Variants in HAS1 observed in about 807,000 individuals in gnomAD.
The protein encoded by HAS1 is hyaluronan synthase 1, also known as HA synthase 1.
In HAS1, 27 loss-of-function variants were observed where a neutral mutation model predicts 35.0. That is an observed-to-expected ratio of 0.77 (90% CI 0.57 to 1.06). The LOEUF is 1.06. HAS1 is among the 50% of genes least tolerant of loss of function. The pLI is 0.00. For synonymous variants in HAS1, 409 were observed against 371.2 expected, an observed-to-expected ratio of 1.10 and a Z score of -1.17; for missense variants, 940 against 814.8, an observed-to-expected ratio of 1.15 and a Z score of -1.87.
rs1283640795 is a variant in HAS1, at chr19:51,723,948, C to G, written c.-15G>C. 1 of 1,537,732 alleles carries G rather than the reference C, an allele frequency of 6.5e-7. No individual in the cohort carries two copies. The highest frequency in any genetic ancestry group is 1.4e-5 in the African/African-American group (1 of 72,758). ...ACCTGTCTCATCGCAGTGGGTCTGG[C>G]CGGGCTCTCTCTTCTCTCCGGCTTG... On this transcript the variant is annotated 5_prime_UTR_variant, in exon 1 of 5. Transcript: ENST00000540069.
At chr19:51,714,708 A>AAAAAAAAAAAAAAAAC (rs1224531111) in intron 4 of HAS1, among the ~76,000 whole-genome samples, 1 of 150,488 alleles carries the variant, frequency 6.6e-6, no homozygotes. Flanking sequence ...GAAAAAAAAA[A>AAAAAAAAAAAAAAAAC]AGGCTCTCAT....
chr19:51,723,552 A>C (rs987362898), intron 1 of HAS1, among the ~76,000 whole-genome samples: 1 of 151,846 alleles, frequency 6.6e-6, no homozygotes, highest in Non-Finnish European at 1.5e-5. Context: ...GGCAAATCCA[A>C]CTCTCTTTCT....
At chr19:51,722,885 C>T (rs527803319) in intron 1 of HAS1, among the ~76,000 whole-genome samples, 26 of 152,158 alleles carry the variant, frequency 1.7e-4, no homozygotes, top group Non-Finnish European at 2.9e-4. Flanking sequence ...TTTGTTTTTA[C>T]TTTTTCAAAT....
At position 51,719,396 on chromosome 19, in the gene HAS1, TC is replaced by T. The variant is rs2083608353; in HGVS notation, c.508del (p.Glu170AsnfsTer30). On this transcript the variant is annotated frameshift_variant, in exon 2 of 5. Transcript: ENST00000540069. LOFTEE classifies it high-confidence loss of function. ...GCCCACCGCGCCCGCCGCCGCGGGT[TC>T]CCAGGGCTGGTGGTAGTTGCCGTCC... ...VWDGNYHQPWEPAAAGAVGAG... is the reference protein window; with the variant it reads ...VWDGNYHQPWXPAAAGAVGAG... The T allele has an allele frequency of 6.3e-7, 1 of 1,575,102 alleles. No individual in the cohort carries two copies. The highest frequency in any genetic ancestry group is 8.6e-7 in the Non-Finnish European group (1 of 1,159,976).
chr19:51,719,407 G>A lies in HAS1; in HGVS notation c.498C>T (p.His166=), dbSNP rs202173515. Residue 166 remains histidine, a synonymous_variant, in exon 2 of 5, where the codon CAC becomes CAT. Transcript: ENST00000540069. The stretch of plus-strand genomic sequence containing the variant: ...CCGCCGCCGCGGGTTCCCAGGGCTG[G>A]TGGTAGTTGCCGTCCCACACGTACG... The part of the protein sequence containing the change: ...PATYVWDGNY[H]QPWEPAAAGA... 1.5e-4 allele frequency: 229 copies of A among 1,567,220 alleles called. No individual in the cohort carries two copies. The East Asian group carries it at 4.4e-3, about 30-fold the overall frequency.
At chr19:51,721,776 TA>T (rs1378893315) in intron 1 of HAS1, among the ~76,000 whole-genome samples, 1 of 151,878 alleles carries the variant, frequency 6.6e-6, no homozygotes, top group African/African-American at 2.4e-5. Context: ...GAAATAATAA[TA>T]ATAATAATAG....
rs1306273103 is a variant in HAS1, at chr19:51,719,641, C to T, written c.264G>A (p.Leu88=). 20 of 1,538,510 alleles carry T rather than the reference C, an allele frequency of 1.3e-5. No individual in the cohort carries two copies. The highest frequency in any genetic ancestry group is 1.7e-5 in the Non-Finnish European group (20 of 1,144,888). The change falls in exon 2 of 5, where the codon CTG becomes CTA. Residue 88 remains leucine, a synonymous_variant. Transcript: ENST00000540069. ...CCACACTGCGCGCGGTGGCTGCATC[C>T]AGCGGCCCCCGCGCCGCCGCCGCCA... The part of the protein sequence containing the change: ...RRVAAAARGP[L]DAATARSVAL...
At chr19:51,723,882 T>TACACACACACAC (rs759536923) in intron 1 of HAS1, 43 bp downstream of exon 1, 8 of 659,644 alleles carry the variant, frequency 1.2e-5, no homozygotes, top group East Asian at 6.6e-5. Context: ...CACATGGCTG[T>TACACACACACAC]ATACACACAC....
At position 51,723,948 on chromosome 19, in the gene HAS1, C is replaced by T. The variant is rs1283640795; in HGVS notation, c.-15G>A. On this transcript the variant is annotated 5_prime_UTR_variant, in exon 1 of 5. Transcript: ENST00000540069. ...ACCTGTCTCATCGCAGTGGGTCTGG[C>T]CGGGCTCTCTCTTCTCTCCGGCTTG... 1.1e-5 allele frequency: 17 copies of T among 1,537,614 alleles called. No homozygotes were observed. In the Admixed American group the frequency reaches 2.6e-4, roughly 23 times the overall value.
chr19:51,723,808 AC>A, intron 1 of HAS1, 116 bp downstream of exon 1: 2 of 993,616 alleles, frequency 2.0e-6, no homozygotes. Context: ...ATGGATACAC[AC>A]ATGAAATCAT....
chr19:51,719,473 G>T lies in HAS1; in HGVS notation c.432C>A (p.Val144=). 6.4e-7 allele frequency: 1 copy of T among 1,551,080 alleles called. No homozygotes were observed. The highest frequency in any genetic ancestry group is 1.2e-5 in the South Asian group (1 of 84,198). The change falls in exon 2 of 5, where the codon GTC becomes GTA. Residue 144 remains valine, a synonymous_variant. Transcript: ENST00000540069. ...CAGCGAAGACCTCGCGGAACATGTC[G>T]ACCATGTAGAGGTCCTCGGCGCGGT... is the stretch of plus-strand genomic sequence containing the variant. ...DGNRAEDLYM[V]DMFREVFADE...
intron 4 of HAS1, among the ~76,000 whole-genome samples, chr19:51,714,694 C>CAAAAAAAAAAAA (rs1289494953): frequency 8.0e-5 from 1 of 12,570 alleles, no homozygotes; most frequent in Admixed American, 1.1e-3. Flanking sequence ...AAGACTCTAT[C>CAAAAAAAAAAAA]TAAGAAAAAA....
chr19:51,716,274 C>G lies in HAS1; in HGVS notation c.1040G>C (p.Ser347Thr). 29 of 1,613,884 alleles carry G rather than the reference C, an allele frequency of 1.8e-5. No homozygotes were observed. The highest frequency in any genetic ancestry group is 2.3e-5 in the Non-Finnish European group (27 of 1,179,824). The change falls in exon 4 of 5, where the codon AGC becomes ACC. Residue 347 changes from serine to threonine, a missense_variant. Ser to Thr is a moderately conservative substitution (Grantham distance 58). Coordinates refer to ENST00000540069, the MANE Select transcript of HAS1 (RefSeq NM_001297436.2). ...DDRHLTNRML[S>T]MGYATKYTSR... ...AGCTTACTTGGTAGCATAACCCATG[C>G]TGAGCATGCGGTTGGTGAGGTGCCG... is the stretch of plus-strand genomic sequence containing the variant.
chr19:51,723,884 T>TATAC (rs374968058), intron 1 of HAS1, 41 bp downstream of exon 1: 8 of 1,227,610 alleles, frequency 6.5e-6, no homozygotes, highest in East Asian at 2.8e-5. Context: ...CATGGCTGTA[T>TATAC]ACACACACAC....
At chr19:51,714,282 G>A in intron 4 of HAS1, 180 bp from the exon 5 acceptor site, 1 of 1,003,828 alleles carries the variant, frequency 1.0e-6, no homozygotes, top group South Asian at 1.6e-5. Flanking sequence ...GGACGCGGTG[G>A]CTCACTCCTG....
In HAS1 at chr19:51,719,682, GGTAC is replaced by G; in HGVS notation, c.219_222del (p.Tyr74TrpfsTer24). 6.4e-7 allele frequency: 1 copy of G among 1,556,326 alleles called. No homozygotes were observed. Among genetic ancestry groups the G allele is most frequent in the Non-Finnish European group, 8.7e-7 (1 of 1,155,556 alleles). On this transcript the variant is annotated frameshift_variant, in exon 2 of 5. Transcript: ENST00000540069. LOFTEE classifies it high-confidence loss of function. ...GCCGCCGCCACCCGCCGGTGCTCCAGGTACGCGAAGAGGCTCTGCGCCACCAGGT... is the reference window on the plus strand; with the variant it reads ...GCCGCCGCCACCCGCCGGTGCTCCAGGCGAAGAGGCTCTGCGCCACCAGGT...
intron 1 of HAS1, among the ~76,000 whole-genome samples, chr19:51,720,183 G>A (rs1037886413): frequency 2.6e-4 from 39 of 151,230 alleles, no homozygotes; most frequent in Admixed American, 8.5e-4. Flanking sequence ...CGCCATCTAG[G>A]CTCACTGCAG....
Position 51,713,594 on chromosome 19 carries a change from C to G in HAS1, c.1567G>C (p.Glu523Gln). 1 of 1,557,082 alleles carries G rather than the reference C, an allele frequency of 6.4e-7. No homozygotes were observed. Among genetic ancestry groups the G allele is most frequent in the Non-Finnish European group, 8.7e-7 (1 of 1,150,486 alleles). ...GGGCCGCTCCAGTCGGCCCTGGCCT[C>G]GTGTGCTACGCTGCGGACCAGGCCC... ...LGGLVRSVAH[E>Q]ARADWSGPSR... Residue 523 changes from glutamate (E) to glutamine (Q), a missense_variant, in exon 5 of 5, where the codon GAG becomes CAG. Coordinates refer to ENST00000540069, the MANE Select transcript of HAS1 (RefSeq NM_001297436.2). This position sits in a 1 kb window ranked among gnomAD's most constrained non-coding sequence, Gnocchi z 4.5.
Position 51,716,252 on chromosome 19 carries a change from T to A in HAS1, c.1058+4A>T. Reference sequence around the variant, plus strand: ...TACCCGACCACCTGGTCCCCTCAGCTTACTTGGTAGCATAACCCATGCTGA... The same window carrying A: ...TACCCGACCACCTGGTCCCCTCAGCATACTTGGTAGCATAACCCATGCTGA... On this transcript the variant is annotated splice_donor_region_variant and intron_variant, in intron 4 of 4. Transcript: ENST00000540069. The A allele has an allele frequency of 6.2e-7, 1 of 1,612,606 alleles. No individual in the cohort carries two copies. The highest frequency in any genetic ancestry group is 8.5e-7 in the Non-Finnish European group (1 of 1,179,132).
Sources: gnomAD v4.1 joint callset for allele counts (sites outside exome capture counted in the v4.1 genomes callset) on GRCh38, gnomAD v4.1.1 for gene constraint, Gnocchi (gnomAD v3.1) non-coding constraint, MANE v1.5 for transcripts, NCBI Gene and HGNC (gene_info 2026-07-23, HGNC 2026-07-21) for gene names.